Variants in SMARCC1 observed in about 807,000 individuals in gnomAD.
SMARCC1 encodes SWI/SNF related BAF chromatin remodeling complex subunit C1, also known as SWI/SNF complex subunit SMARCC1.
In SMARCC1, 43 loss-of-function variants were observed where a neutral mutation model predicts 147.4. The ratio of observed to expected loss-of-function variants is 0.29; its 90% CI spans 0.23 to 0.38. SMARCC1 has a LOEUF of 0.38. Among genes scored for constraint, SMARCC1 ranks in the 10% least tolerant of loss-of-function variants. SMARCC1 has a pLI of 1.00. For missense variants in SMARCC1, 1,119 were observed against 1,381.1 expected (o/e 0.81, Z 3.01); for synonymous variants, 495 against 484.4 (o/e 1.02, Z -0.29).
At position 47,590,799 on chromosome 3, in the gene SMARCC1, G is replaced by T. The variant is rs1053066590; in HGVS notation, c.3082C>A (p.His1028Asn). 5.0e-6 allele frequency: 8 copies of T among 1,602,346 alleles called. No individual in the cohort carries two copies. In the Middle Eastern group the frequency reaches 8.3e-4, roughly 165 times the overall value. ...GTGGGAATCATGCGGCCTGGCATGT[G>T]CTGCCCGGGCATCATGGAACCTGGG... Reference protein sequence around the residue: ...PGPGSMMPGQHMPGRMIPTVA... With the variant: ...PGPGSMMPGQNMPGRMIPTVA... The change falls in exon 27 of 28, where the codon CAC becomes AAC. Residue 1028 changes from histidine to asparagine, a missense_variant. His to Asn is a moderately conservative substitution (Grantham distance 68). Around this residue, in one of 6 missense-constraint regions of SMARCC1, gnomAD observed 186 missense variants for 216.5 expected, o/e 0.86. Coordinates refer to ENST00000254480, the MANE Select transcript of SMARCC1 (RefSeq NM_003074.4).
intron 25 of SMARCC1, among the ~76,000 whole-genome samples, chr3:47,615,220 T>G (rs1394467858): frequency 6.6e-6 from 1 of 152,204 alleles, no homozygotes; most frequent in Non-Finnish European, 1.5e-5. Context: ...CTTCCTTAAT[T>G]CACTCATGGT....
At chr3:47,636,796 G>A (rs1406089397) in intron 22 of SMARCC1, among the ~76,000 whole-genome samples, 83 of 79,896 alleles carry the variant, frequency 1.0e-3, no homozygotes, top group African/African-American at 2.6e-3. Flanking sequence ...ATATGTGTGT[G>A]TGTGTGTGTG....
chr3:47,747,536 C>G (rs1453110548), intron 2 of SMARCC1, among the ~76,000 whole-genome samples: 1 of 137,582 alleles, frequency 7.3e-6, no homozygotes, highest in Non-Finnish European at 1.6e-5. Context: ...ACTCAGGAGG[C>G]TGAGGTAGGA....
rs971810971 is a variant in SMARCC1 at position 47,720,656 on chromosome 3, T to C, written c.716+10A>G. On this transcript the variant is annotated intron_variant, in intron 7 of 27. Transcript: ENST00000254480. ...TCTTTATACCAGGTCTCACAGCATA[T>C]GAACATTACCTGTCTGGGTAAAAGC... The C allele has an allele frequency of 1.1e-5, 18 of 1,579,108 alleles. No homozygotes were observed. Among genetic ancestry groups the C allele is most frequent in the Non-Finnish European group, 1.5e-5 (17 of 1,150,012 alleles).
At chr3:47,701,458 A>G (rs1403705010) in intron 10 of SMARCC1, 56 bp from the exon 11 acceptor site, 2 of 1,519,796 alleles carry the variant, frequency 1.3e-6, no homozygotes, top group Non-Finnish European at 1.8e-6. Flanking sequence ...TACTGATAGC[A>G]AACAGTTTCT....
At chr3:47,673,396 G>GT (rs1419454380) in intron 18 of SMARCC1, among the ~76,000 whole-genome samples, 1 of 29,384 alleles carries the variant, frequency 3.4e-5, no homozygotes, top group South Asian at 1.6e-3. Flanking sequence ...AAAAAAAAAA[G>GT]GGTGGGGGGG....
intron 11 of SMARCC1, among the ~76,000 whole-genome samples, chr3:47,698,955 T>C (rs1476042038): frequency 6.6e-6 from 1 of 152,164 alleles, no homozygotes; most frequent in Non-Finnish European, 1.5e-5. Context: ...TTTCAGCAAA[T>C]GGTATACAAA....
chr3:47,673,912 T>C (rs1461339974), intron 18 of SMARCC1, among the ~76,000 whole-genome samples: 2 of 152,188 alleles, frequency 1.3e-5, no homozygotes, highest in Non-Finnish European at 2.9e-5. Context: ...GATCTGAATT[T>C]TGTATTAACA....
chr3:47,740,585 C>T (rs569328914), intron 3 of SMARCC1, among the ~76,000 whole-genome samples: 1 of 151,944 alleles, frequency 6.6e-6, no homozygotes, highest in African/African-American at 2.4e-5. Flanking sequence ...GTGATCCACC[C>T]ACCTCAGCCT....
chr3:47,627,311 C>T (rs1230977144), intron 24 of SMARCC1, among the ~76,000 whole-genome samples: 1 of 151,734 alleles, frequency 6.6e-6, no homozygotes, highest in African/African-American at 2.4e-5. Context: ...GAAACACCAT[C>T]ATCTCTAGTC....
At chr3:47,649,451 C>T (rs1191672078) in intron 21 of SMARCC1, among the ~76,000 whole-genome samples, 2 of 152,126 alleles carry the variant, frequency 1.3e-5, no homozygotes, top group Admixed American at 6.5e-5. Context: ...AGTCCTTAAC[C>T]TTCTTAAAAA....
At chr3:47,630,795 G>C (rs1277497271) in intron 24 of SMARCC1, among the ~76,000 whole-genome samples, 1 of 152,200 alleles carries the variant, frequency 6.6e-6, no homozygotes. Flanking sequence ...GGAAGCAGTG[G>C]CTGACACCGG....
chr3:47,679,924 A>G (rs1013428965), intron 15 of SMARCC1, among the ~76,000 whole-genome samples: 1 of 152,056 alleles, frequency 6.6e-6, no homozygotes, highest in African/African-American at 2.4e-5. Context: ...TGAATTCATT[A>G]TAGTAAAAAT....
chr3:47,736,218 T>C (rs922370582), intron 4 of SMARCC1, 92 bp from the exon 5 acceptor site: 2 of 659,322 alleles, frequency 3.0e-6, no homozygotes, highest in African/African-American at 3.9e-5. Flanking sequence ...CCAGATAACC[T>C]TTTCTGCCAC....
chr3:47,690,610 A>C (rs1314938633), intron 12 of SMARCC1, among the ~76,000 whole-genome samples: 1 of 152,250 alleles, frequency 6.6e-6, no homozygotes, highest in African/African-American at 2.4e-5. Context: ...CAGGAAAGTA[A>C]GACCAGGACC....
chr3:47,612,987 C>T (rs998188290), intron 25 of SMARCC1, among the ~76,000 whole-genome samples: 56 of 152,158 alleles, frequency 3.7e-4, no homozygotes, highest in African/African-American at 1.3e-3. Flanking sequence ...TTCTAGATAC[C>T]TTATTTTTAT....
chr3:47,717,234 T>C (rs976491477), intron 7 of SMARCC1, among the ~76,000 whole-genome samples: 1 of 152,194 alleles, frequency 6.6e-6, no homozygotes, highest in African/African-American at 2.4e-5. Context: ...TCCTCCCCAA[T>C]TAAAATGGAA....
chr3:47,770,061 T>C (rs2034888798), intron 2 of SMARCC1, among the ~76,000 whole-genome samples: 1 of 150,354 alleles, frequency 6.7e-6, no homozygotes, highest in Non-Finnish European at 1.5e-5. Context: ...CCGTCTCTAC[T>C]AAAAATACAA....
At chr3:47,640,894 C>A (rs1388286444) in intron 21 of SMARCC1, among the ~76,000 whole-genome samples, 1 of 152,032 alleles carries the variant, frequency 6.6e-6, no homozygotes, top group African/African-American at 2.4e-5. Flanking sequence ...CTATACTAGA[C>A]AGAGTAATAT....
Sources: gnomAD v4.1 joint callset for allele counts (sites outside exome capture counted in the v4.1 genomes callset) on GRCh38, gnomAD v4.1.1 for gene constraint, gnomAD v4.1.1 regional missense constraint, MANE v1.5 for transcripts, NCBI Gene and HGNC (gene_info 2026-07-23, HGNC 2026-07-21) for gene names.